Variants in SORL1 observed in about 807,000 individuals in gnomAD.
SORL1 encodes sortilin related receptor 1, also known as sortilin-related receptor.
Under a neutral mutation model 273.7 loss-of-function variants are expected in SORL1, and 127 were observed. The ratio of observed to expected loss-of-function variants is 0.46; its 90% CI spans 0.40 to 0.54. The LOEUF (loss-of-function observed/expected upper bound fraction) is 0.54, where lower values mean the gene tolerates loss of function less well. Among genes scored for constraint, SORL1 ranks in the 20% least tolerant of loss-of-function variants. The pLI is 0.00. For missense variants in SORL1, 2,494 were observed against 2,846.1 expected (o/e 0.88, Z 2.81); for synonymous variants, 1,031 against 1,067.4 (o/e 0.97, Z 0.66).
At chr11:121,571,075 G>T (rs1303455817) in intron 23 of SORL1, among the ~76,000 whole-genome samples, 3 of 152,270 alleles carry the variant, frequency 2.0e-5, no homozygotes, top group East Asian at 3.9e-4. Flanking sequence ...GCCGATCAAG[G>T]CAGAAACGGA....
rs184754666 is a variant in SORL1, at chr11:121,504,390, C to T, written c.939+7341C>T. 3.2e-3 allele frequency among the ~76,000 whole-genome samples: 483 copies of T among 151,910 alleles called. 1 individual carries two copies. The highest frequency in any genetic ancestry group is 0.011 in the African/African-American group (445 of 41,412). On this transcript the variant is annotated intron_variant, in intron 6 of 47. Transcript: ENST00000260197. ...TCGTGCCACTGCACTCCAGCCTGGGCGACAGAGCGAGACTCTGTCTCAAAA... is the reference window on the plus strand; with the variant it reads ...TCGTGCCACTGCACTCCAGCCTGGGTGACAGAGCGAGACTCTGTCTCAAAA...
intron 12 of SORL1, among the ~76,000 whole-genome samples, chr11:121,533,270 G>A (rs1862227356): frequency 1.3e-5 from 2 of 152,128 alleles, no homozygotes; most frequent in Admixed American, 6.5e-5. Context: ...AGCTGGAAGG[G>A]GTGTTTAGGG....
In SORL1 at chr11:121,566,766, A is replaced by G. The variant is rs752854085; in HGVS notation, c.3050-174A>G. ...AGACAGGATGCAAGTCACTGGTTATACTGAGCAGAAGTTTTCAGCACAGTA... is the reference window on the plus strand; with the variant it reads ...AGACAGGATGCAAGTCACTGGTTATGCTGAGCAGAAGTTTTCAGCACAGTA... On this transcript the variant is annotated intron_variant, in intron 21 of 47. Coordinates refer to ENST00000260197, the MANE Select transcript of SORL1 (RefSeq NM_003105.6). 23 of 588,106 alleles carry G rather than the reference A, an allele frequency of 3.9e-5. 1 individual carries two copies. Among genetic ancestry groups the G allele is most frequent in the Middle Eastern group, 4.5e-4 (1 of 2,216 alleles). 36.4% of individuals were successfully genotyped at this position (588,106 alleles called of 1,614,324 possible).
rs745361457 is a variant in SORL1 at position 121,545,380 on chromosome 11, A to G, written c.2002A>G (p.Arg668Gly). 1 of 1,614,190 alleles carries G rather than the reference A, an allele frequency of 6.2e-7. No homozygotes were observed. The highest frequency in any genetic ancestry group is 1.7e-5 in the Admixed American group (1 of 60,036). The change falls in exon 14 of 48, where the codon AGG (arginine) becomes GGG (glycine). Residue 668 changes from arginine (R) to glycine (G), a missense_variant. Physicochemically the swap from Arg to Gly is moderately radical, Grantham distance 125 (BLOSUM62 -2). Coordinates refer to ENST00000260197, the MANE Select transcript of SORL1 (RefSeq NM_003105.6). ...ATCFNGEDFD[R>G]PVVVSNCSCT... Reference sequence around the variant, plus strand: ...ATGCTTCAATGGAGAGGACTTTGACAGGCCGGTGGTCGTGTCCAACTGCTC... The same window carrying G: ...ATGCTTCAATGGAGAGGACTTTGACGGGCCGGTGGTCGTGTCCAACTGCTC...
At chr11:121,619,680 GA>G in intron 42 of SORL1, 72 bp from the exon 43 acceptor site, 3 of 1,171,950 alleles carry the variant, frequency 2.6e-6, no homozygotes, top group Non-Finnish European at 3.6e-6. Context: ...TTATTTTGTT[GA>G]AAAAATACTT....
At chr11:121,608,862 C>G (rs1863517853) in intron 38 of SORL1, 1 of 152,464 alleles carries the variant, frequency 6.6e-6, no homozygotes, top group African/African-American at 2.4e-5. Flanking sequence ...CCACGCTTCT[C>G]TCTGGGCTGA....
chr11:121,611,130 T>G lies in SORL1; in HGVS notation c.5294T>G (p.Phe1765Cys), dbSNP rs1472689639. Reference sequence around the variant, plus strand: ...AGCTATGGTGAAAATTATCTAAGCTTCACCCTGACCATGGAGAGTGATATC... The same window carrying G: ...AGCTATGGTGAAAATTATCTAAGCTGCACCCTGACCATGGAGAGTGATATC... The part of the protein sequence containing the change: ...IDSYGENYLS[F>C]TLTMESDIKV... The change falls in exon 39 of 48, where the codon TTC becomes TGC. Residue 1765 changes from phenylalanine to cysteine, a missense_variant. Coordinates refer to ENST00000260197, the MANE Select transcript of SORL1 (RefSeq NM_003105.6). The G allele has an allele frequency of 2.5e-6, 4 of 1,612,998 alleles. No individual in the cohort carries two copies. Among genetic ancestry groups the G allele is most frequent in the Admixed American group, 1.7e-5 (1 of 60,000 alleles).
intron 8 of SORL1, among the ~76,000 whole-genome samples, chr11:121,515,279 T>C (rs1861934570): frequency 6.6e-6 from 1 of 152,220 alleles, no homozygotes; most frequent in African/African-American, 2.4e-5. Context: ...TAAGCAAATA[T>C]GTGATCTGCC....
At position 121,505,610 on chromosome 11, in the gene SORL1, ACTGCTTTAG is replaced by A. The variant is rs1179716884; in HGVS notation, c.940-7388_940-7380del. Among the ~76,000 whole-genome samples the A allele has an allele frequency of 4.6e-5, 7 of 152,086 alleles. No homozygotes were observed. In the South Asian group the frequency reaches 1.2e-3, roughly 27 times the overall value. On this transcript the variant is annotated intron_variant, in intron 6 of 47. Coordinates refer to ENST00000260197, the MANE Select transcript of SORL1 (RefSeq NM_003105.6). ...TACAGGTATACATTTTCCTCTAATC[ACTGCTTTAG>A]CTGCATTTCATATGCTTATGTTTTC... is the stretch of plus-strand genomic sequence containing the variant.
rs566895167 is a variant in SORL1 at position 121,574,513 on chromosome 11, G to C, written c.3460+150G>C. ...AATGGCTTTCTCCATCCACATGGTG[G>C]GGTTGAGTCATTTCTCTGTCCATTC... On this transcript the variant is annotated intron_variant, in intron 24 of 47. Transcript: ENST00000260197. The C allele has an allele frequency of 1.4e-4, 93 of 682,734 alleles. No individual in the cohort carries two copies. In the South Asian group the frequency reaches 1.8e-3, roughly 14 times the overall value. 42.3% of individuals were successfully genotyped at this position (682,734 alleles called of 1,614,324 possible).
intron 6 of SORL1, among the ~76,000 whole-genome samples, chr11:121,512,229 G>A (rs1861890926): frequency 6.6e-6 from 1 of 152,136 alleles, no homozygotes; most frequent in African/African-American, 2.4e-5. Context: ...CCCATCTACA[G>A]GGAAGTCTTG....
Position 121,586,300 on chromosome 11 carries a change from G to A in SORL1, c.3785G>A (p.Cys1262Tyr). The change falls in exon 27 of 48, where the codon TGC becomes TAC. Residue 1262 changes from cysteine (C) to tyrosine (Y), a missense_variant. Cys to Tyr is a radical substitution (Grantham distance 194, BLOSUM62 -2). Transcript: ENST00000260197. ...AAACATTGTGATGGTCTGCGTGATT[G>A]CTCTGATGGCTCCGATGAACAGCAC... ...SSKHCDGLRD[C>Y]SDGSDEQHCE... is the part of the protein sequence containing the mutation. The A allele has an allele frequency of 1.2e-6, 2 of 1,614,122 alleles. No homozygotes were observed. The highest frequency in any genetic ancestry group is 1.7e-6 in the Non-Finnish European group (2 of 1,179,940).
intron 25 of SORL1, among the ~76,000 whole-genome samples, chr11:121,582,358 G>A (rs80217871): frequency 1.3e-5 from 2 of 152,296 alleles, no homozygotes; most frequent in African/African-American, 4.8e-5. Context: ...GTTTCTTTCC[G>A]TTGTGGTGTC....
intron 13 of SORL1, among the ~76,000 whole-genome samples, chr11:121,544,273 C>A (rs1862391325): frequency 6.6e-6 from 1 of 152,096 alleles, no homozygotes; most frequent in South Asian, 2.1e-4. Flanking sequence ...CCCGGAGTGC[C>A]CTGTTTCTTC....
At chr11:121,602,147 T>C (rs1247867975) in intron 32 of SORL1, among the ~76,000 whole-genome samples, 1 of 152,186 alleles carries the variant, frequency 6.6e-6, no homozygotes, top group South Asian at 2.1e-4. Context: ...CTTTCTCTAA[T>C]TCTTGAATAC....
chr11:121,489,135 G>T (rs1861515920), intron 4 of SORL1, among the ~76,000 whole-genome samples: 1 of 152,164 alleles, frequency 6.6e-6, no homozygotes, highest in Non-Finnish European at 1.5e-5. Context: ...TTGGTTCTCT[G>T]TGGGGCTCTG....
At chr11:121,569,226 G>A (rs1481239645) in intron 22 of SORL1, among the ~76,000 whole-genome samples, 3 of 152,032 alleles carry the variant, frequency 2.0e-5, no homozygotes, top group African/African-American at 4.8e-5. Context: ...GATGTATGTC[G>A]CCTCAGGACC....
intron 2 of SORL1, 39 bp from the exon 3 acceptor site, chr11:121,478,079 C>A (rs1425106053): frequency 9.8e-6 from 15 of 1,529,024 alleles, no homozygotes; most frequent in African/African-American, 1.4e-5. Flanking sequence ...AGTTTCTCAC[C>A]AACTCTTTCT....
rs2134963791 is a variant in SORL1 at position 121,632,381 on chromosome 11, G to T, written c.*2818G>T. On this transcript the variant is annotated 3_prime_UTR_variant, in exon 48 of 48. Transcript: ENST00000260197. ...TCCAGGAAGAGGCCATGTCTGTGCA[G>T]TCCTAGTTCCAGACAGGTGAGAAGC... The T allele has an allele frequency of 6.6e-6, 1 of 152,220 alleles. No individual in the cohort carries two copies. The highest frequency in any genetic ancestry group is 1.9e-4 in the East Asian group (1 of 5,188). 9.4% of individuals were successfully genotyped at this position (152,220 alleles called of 1,614,324 possible). A position where few individuals can be genotyped will look rare whatever the true frequency, so the allele number is the denominator to read the frequency against.
Sources: allele counts gnomAD v4.1 joint callset (sites outside exome capture counted in the v4.1 genomes callset), GRCh38; gene constraint gnomAD v4.1.1; transcripts MANE v1.5; gene names NCBI Gene and HGNC (gene_info 2026-07-23, HGNC 2026-07-21).